The following SCN2A variants were observed in gnomAD, a reference collection of about 807,000 sequenced individuals.
SCN2A encodes sodium voltage-gated channel alpha subunit 2, also known as sodium channel protein type 2 subunit alpha.
Under a neutral mutation model 188.7 loss-of-function variants are expected in SCN2A, and 20 were observed. The observed-to-expected ratio is 0.11, with a 90% CI of 0.07 to 0.15. SCN2A has a LOEUF of 0.15. SCN2A is among the 10% of genes least tolerant of loss of function. SCN2A has a pLI of 1.00. For synonymous variants in SCN2A, 804 were observed against 833.1 expected, an observed-to-expected ratio of 0.97 and a Z score of 0.60; for missense variants, 1,278 against 2,445.0, an observed-to-expected ratio of 0.52 and a Z score of 10.07.
At chr2:165,296,795 A>G in intron 2 of SCN2A, 2 of 342,610 alleles carry the variant, frequency 5.8e-6, no homozygotes, top group Non-Finnish European at 1.1e-5. Context: ...TATGGCATTG[A>G]TCACAAATTT....
intron 1 of SCN2A, chr2:165,269,441 C>T (rs78348596): frequency 0.13 from 19,965 of 152,030 alleles, 1,511 homozygotes; most frequent in South Asian, 0.23. Flanking sequence ...CAAATTCAGG[C>T]TTCCCTACTC....
chr2:165,295,940 G>A lies in SCN2A; in HGVS notation c.117G>A (p.Gln39=). 1.2e-6 allele frequency: 2 copies of A among 1,614,100 alleles called. No individual in the cohort carries two copies. The highest frequency in any genetic ancestry group is 1.7e-6 in the Non-Finnish European group (2 of 1,180,024). Residue 39 remains glutamine, a synonymous_variant, in exon 2 of 27, where the codon CAG becomes CAA. Coordinates refer to ENST00000375437, the MANE Select transcript of SCN2A (RefSeq NM_001040142.2). ...IAEEKAKRPK[Q]ERKDEDDENG... is the part of the protein sequence containing the mutation. ...AAGAGAAAGCTAAGAGACCCAAACA[G>A]GAACGCAAGGATGAGGATGATGAAA... is the stretch of plus-strand genomic sequence containing the variant.
intron 20 of SCN2A, chr2:165,372,679 A>G (rs1701103484): frequency 6.6e-6 from 1 of 152,370 alleles, no homozygotes; most frequent in African/African-American, 2.4e-5. Flanking sequence ...TGTCTGACCT[A>G]ATTAATGATA....
intron 16 of SCN2A, among the ~76,000 whole-genome samples, chr2:165,350,897 A>C (rs1251708728): frequency 1.3e-5 from 2 of 152,318 alleles, no homozygotes; most frequent in African/African-American, 4.8e-5. Flanking sequence ...TTTCTAGGGA[A>C]ATAAGGTAAA....
chr2:165,311,264 T>C (rs1344598739), intron 7 of SCN2A, among the ~76,000 whole-genome samples: 2 of 152,084 alleles, frequency 1.3e-5, no homozygotes, highest in African/African-American at 4.8e-5. Context: ...TCATTTTTCA[T>C]ATGTGTGTGC....
intron 16 of SCN2A, among the ~76,000 whole-genome samples, chr2:165,348,219 C>T (rs1006679163): frequency 1.3e-5 from 2 of 151,894 alleles, no homozygotes; most frequent in Admixed American, 6.6e-5. Context: ...ATTAGCCAGG[C>T]GTGATGATGC....
chr2:165,374,033 G>A (rs1462464394), intron 21 of SCN2A, among the ~76,000 whole-genome samples: 1 of 151,992 alleles, frequency 6.6e-6, no homozygotes, highest in Non-Finnish European at 1.5e-5. Flanking sequence ...ATGTTATAGT[G>A]ATACTAGCTC....
At chr2:165,375,346 A>G (rs1380776603) in intron 22 of SCN2A, among the ~76,000 whole-genome samples, 1 of 151,056 alleles carries the variant, frequency 6.6e-6, no homozygotes, top group Non-Finnish European at 1.5e-5. Context: ...ATTGTCCATC[A>G]ACAGATATGT....
chr2:165,383,643 G>A, intron 25 of SCN2A, among the ~76,000 whole-genome samples: 1 of 152,138 alleles, frequency 6.6e-6, no homozygotes, highest in Admixed American at 6.6e-5. Flanking sequence ...TTCAGAGATG[G>A]TAGGTAGCCT....
chr2:165,284,912 C>T (rs576936729), intron 1 of SCN2A, among the ~76,000 whole-genome samples: 1 of 152,320 alleles, frequency 6.6e-6, no homozygotes, highest in South Asian at 2.1e-4. Context: ...GCACTTAATA[C>T]ATCTGAAGAT....
chr2:165,357,064 A>G (rs1700216962), intron 17 of SCN2A, among the ~76,000 whole-genome samples: 1 of 152,150 alleles, frequency 6.6e-6, no homozygotes, highest in South Asian at 2.1e-4. Context: ...CATTATTTGG[A>G]GGGGTTTTTA....
At chr2:165,275,892 G>A (rs542165471) in intron 1 of SCN2A, among the ~76,000 whole-genome samples, 140 of 152,036 alleles carry the variant, frequency 9.2e-4, no homozygotes, top group Middle Eastern at 3.4e-3. Context: ...CCGCCACCAC[G>A]CCTGGCTAAT....
intron 1 of SCN2A, among the ~76,000 whole-genome samples, 171 bp from the exon 2 acceptor site, chr2:165,295,602 G>A (rs1319796758): frequency 2.0e-5 from 3 of 152,154 alleles, no homozygotes; most frequent in Non-Finnish European, 4.4e-5. Context: ...ATCTCCATGT[G>A]AGCAAATGGA....
At chr2:165,357,308 T>G (rs930314623) in intron 17 of SCN2A, among the ~76,000 whole-genome samples, 2 of 152,158 alleles carry the variant, frequency 1.3e-5, no homozygotes, top group African/African-American at 4.8e-5. Context: ...TTTTTCTAAC[T>G]GGGGGACAGG....
chr2:165,357,283 A>G (rs1156608969), intron 17 of SCN2A, among the ~76,000 whole-genome samples: 1 of 152,094 alleles, frequency 6.6e-6, no homozygotes, highest in African/African-American at 2.4e-5. Flanking sequence ...CCTTCTAGTC[A>G]TTTTTGTCTG....
At chr2:165,277,429 T>A (rs1306621008) in intron 1 of SCN2A, among the ~76,000 whole-genome samples, 1 of 152,134 alleles carries the variant, frequency 6.6e-6, no homozygotes, top group Non-Finnish European at 1.5e-5. Flanking sequence ...AAGAGAAAGC[T>A]TTTATAGGGA....
chr2:165,323,270 G>C lies in SCN2A; in HGVS notation c.1786G>C (p.Asp596His). 6.2e-7 allele frequency: 1 copy of C among 1,614,196 alleles called. No individual in the cohort carries two copies. The highest frequency in any genetic ancestry group is 8.5e-7 in the Non-Finnish European group (1 of 1,180,046). The change falls in exon 12 of 27, where the codon GAT (aspartate) becomes CAT (histidine). Residue 596 changes from aspartate to histidine, a missense_variant. Physicochemically the swap from Asp to His is moderately conservative, Grantham distance 81. Coordinates refer to ENST00000375437, the MANE Select transcript of SCN2A (RefSeq NM_001040142.2). ...DIGSENDFAD[D>H]EHSTFEDNDS... ...TGGCTCTGAGAATGACTTTGCTGAT[G>C]ATGAGCACAGCACCTTTGAGGACAA...
chr2:165,311,517 A>G (rs897749318), intron 7 of SCN2A, among the ~76,000 whole-genome samples: 1 of 152,172 alleles, frequency 6.6e-6, no homozygotes, highest in Non-Finnish European at 1.5e-5. Flanking sequence ...ACTTATTTAC[A>G]GTATCATAAG....
chr2:165,356,503 C>G (rs1411768722), intron 17 of SCN2A, among the ~76,000 whole-genome samples: 1 of 152,002 alleles, frequency 6.6e-6, no homozygotes, highest in Non-Finnish European at 1.5e-5. Context: ...TGTATATTCC[C>G]CTCTCATTAT....
Sources: gnomAD v4.1 joint callset for allele counts (sites outside exome capture counted in the v4.1 genomes callset) on GRCh38, gnomAD v4.1.1 for gene constraint, MANE v1.5 for transcripts, NCBI Gene and HGNC (gene_info 2026-07-23, HGNC 2026-07-21) for gene names.